Variants in IL1RAPL1 observed in about 807,000 individuals in gnomAD.
IL1RAPL1 encodes interleukin-1 receptor accessory protein-like 1.
Under a neutral mutation model 48.4 loss-of-function variants are expected in IL1RAPL1, and 3 were observed. The observed-to-expected ratio is 0.06, with a 90% CI of 0.03 to 0.16. The LOEUF is 0.16. IL1RAPL1 is among the 10% of genes least tolerant of loss of function. The pLI is 1.00. For synonymous variants in IL1RAPL1, 185 were observed against 187.7 expected, an observed-to-expected ratio of 0.99 and a Z score of 0.12; for missense variants, 349 against 530.6, an observed-to-expected ratio of 0.66 and a Z score of 3.36.
chrX:28,784,460 A>G (rs1306152871), intron 1 of IL1RAPL1, among the ~76,000 whole-genome samples: 1 of 112,037 alleles, frequency 8.9e-6, no homozygotes, highest in African/African-American at 3.2e-5. Context: ...ATTAAATGTC[A>G]TTGTTAAACA....
intron 1 of IL1RAPL1, among the ~76,000 whole-genome samples, chrX:28,737,181 T>C (rs1188120147): frequency 4.1e-5 from 4 of 96,709 alleles, no homozygotes; most frequent in Non-Finnish European, 6.3e-5. Flanking sequence ...TTCCTTCCTT[T>C]CTTTCCTTTC....
chrX:29,493,463 A>C (rs767505084), intron 5 of IL1RAPL1, among the ~76,000 whole-genome samples: 1 of 112,170 alleles, frequency 8.9e-6, no homozygotes, highest in South Asian at 3.7e-4. Context: ...ACCGTTAAGG[A>C]ATATCTCTTA....
At chrX:29,883,861 C>G (rs1250675057) in intron 6 of IL1RAPL1, among the ~76,000 whole-genome samples, 2 of 112,140 alleles carry the variant, frequency 1.8e-5, no homozygotes, top group Non-Finnish European at 3.8e-5. Flanking sequence ...ATTAAGGAAA[C>G]TTAATTAACA....
At chrX:29,876,338 A>T (rs780896929) in intron 6 of IL1RAPL1, among the ~76,000 whole-genome samples, 3 of 111,957 alleles carry the variant, frequency 2.7e-5, no homozygotes, top group African/African-American at 9.7e-5. Context: ...TGAAGACTGC[A>T]TCTAAGGAGT....
intron 2 of IL1RAPL1, among the ~76,000 whole-genome samples, chrX:29,205,961 G>A (rs1411901576): frequency 9.2e-6 from 1 of 108,637 alleles, no homozygotes; most frequent in Non-Finnish European, 1.9e-5. Flanking sequence ...GGCTGGTCTT[G>A]AATTCCTGAC....
At chrX:29,847,511 G>T (rs1228192615) in intron 6 of IL1RAPL1, among the ~76,000 whole-genome samples, 1 of 111,850 alleles carries the variant, frequency 8.9e-6, no homozygotes, top group Non-Finnish European at 1.9e-5. Flanking sequence ...CTGCATAAAA[G>T]GTAGAAAATA....
At chrX:28,683,576 G>A (rs796936046) in intron 1 of IL1RAPL1, among the ~76,000 whole-genome samples, 1 of 111,573 alleles carries the variant, frequency 9.0e-6, no homozygotes, top group Non-Finnish European at 1.9e-5. Flanking sequence ...CCTGTGGCTT[G>A]TGTTACTAGT....
intron 6 of IL1RAPL1, among the ~76,000 whole-genome samples, chrX:29,782,611 T>C (rs1389429537): frequency 9.0e-6 from 1 of 111,487 alleles, no homozygotes; most frequent in Non-Finnish European, 1.9e-5. Context: ...ACACACATAC[T>C]ATATGGAAAA....
At chrX:29,301,128 T>A (rs1347854292) in intron 3 of IL1RAPL1, among the ~76,000 whole-genome samples, 3 of 111,994 alleles carry the variant, frequency 2.7e-5, no homozygotes, top group Non-Finnish European at 5.6e-5. Context: ...AATTTCCTCA[T>A]CAGCAAGAGT....
intron 2 of IL1RAPL1, among the ~76,000 whole-genome samples, chrX:29,004,994 G>C (rs1366069995): frequency 8.9e-6 from 1 of 112,242 alleles, no homozygotes; most frequent in East Asian, 2.8e-4. Context: ...TTGGCATTTT[G>C]AGCTTGTTTA....
chrX:29,549,333 A>G (rs112121095), intron 5 of IL1RAPL1, among the ~76,000 whole-genome samples: 3,275 of 111,519 alleles, frequency 0.029, 116 homozygotes, highest in African/African-American at 0.1. Context: ...ATCATTTAGT[A>G]GCCTTCATGG....
intron 5 of IL1RAPL1, among the ~76,000 whole-genome samples, chrX:29,399,745 C>A (rs925877274): frequency 2.8e-5 from 3 of 108,169 alleles, no homozygotes; most frequent in South Asian, 4.0e-4. Context: ...CTCGAACCCA[C>A]GAGGCAGAGG....
intron 2 of IL1RAPL1, among the ~76,000 whole-genome samples, chrX:28,867,111 C>A (rs1024237465): frequency 1.4e-4 from 16 of 111,015 alleles, no homozygotes; most frequent in African/African-American, 5.2e-4. Context: ...AAATGACCTG[C>A]AAAATCTGCC....
At chrX:29,713,594 G>A (rs1362480830) in intron 6 of IL1RAPL1, among the ~76,000 whole-genome samples, 1 of 110,139 alleles carries the variant, frequency 9.1e-6, no homozygotes, top group Non-Finnish European at 1.9e-5. Context: ...CAGTGTTGGC[G>A]GGGTGGAGTA....
At chrX:29,125,734 G>C (rs1301328431) in intron 2 of IL1RAPL1, among the ~76,000 whole-genome samples, 1 of 110,920 alleles carries the variant, frequency 9.0e-6, no homozygotes, top group Admixed American at 9.7e-5. Flanking sequence ...TTTTTGTTTT[G>C]ACTGCCATCA....
intron 1 of IL1RAPL1, among the ~76,000 whole-genome samples, chrX:28,738,449 C>G (rs949901776): frequency 1.8e-5 from 2 of 111,257 alleles, no homozygotes; most frequent in African/African-American, 6.5e-5. Context: ...GATAAGCACT[C>G]TGGACAAAAA....
intron 2 of IL1RAPL1, among the ~76,000 whole-genome samples, chrX:28,969,401 G>C (rs1924999597): frequency 9.1e-6 from 1 of 109,743 alleles, no homozygotes; most frequent in Admixed American, 9.8e-5. Context: ...AATGTAAATT[G>C]AGTTATTCAG....
chrX:29,121,428 C>G (rs1928782778), intron 2 of IL1RAPL1, among the ~76,000 whole-genome samples: 1 of 111,719 alleles, frequency 9.0e-6, no homozygotes. Flanking sequence ...GAGGAGTGTA[C>G]TGAATGTGTA....
intron 2 of IL1RAPL1, among the ~76,000 whole-genome samples, chrX:29,087,089 C>A (rs961748213): frequency 9.2e-6 from 1 of 109,144 alleles, no homozygotes; most frequent in East Asian, 2.9e-4. Context: ...GTAATATTAT[C>A]ATTTAAGATG....
Sources: allele counts gnomAD v4.1 joint callset (sites outside exome capture counted in the v4.1 genomes callset), GRCh38; gene constraint gnomAD v4.1.1; transcripts MANE v1.5; gene names NCBI Gene and HGNC (gene_info 2026-07-23, HGNC 2026-07-21).